CDH12: variants seen among roughly 807,000 people sequenced by gnomAD.
The protein encoded by CDH12 is cadherin 12.
CDH12 carries 41 observed loss-of-function variants against 74.1 expected under a neutral mutation model. The observed-to-expected ratio is 0.55, with a 90% CI of 0.43 to 0.72. The LOEUF is 0.72. Among genes scored for constraint, CDH12 ranks in the 30% least tolerant of loss-of-function variants. The pLI, the probability that CDH12 is intolerant of heterozygous loss-of-function variation, is 0.00. For synonymous variants in CDH12, 399 were observed against 355.0 expected (o/e 1.12, Z -1.39); for missense variants, 945 against 977.2 (o/e 0.97, Z 0.44).
intron 1 of CDH12, among the ~76,000 whole-genome samples, chr5:22,798,464 T>C (rs980712257): frequency 5.3e-5 from 8 of 152,160 alleles, no homozygotes; most frequent in Middle Eastern, 6.8e-3. Flanking sequence ...TTCATTATTG[T>C]TATCCTAAAA....
intron 3 of CDH12, among the ~76,000 whole-genome samples, chr5:22,313,870 A>T (rs1310922189): frequency 6.6e-6 from 1 of 152,184 alleles, no homozygotes; most frequent in Non-Finnish European, 1.5e-5. Flanking sequence ...GGTACAATGC[A>T]CACCACTCCA....
intron 1 of CDH12, among the ~76,000 whole-genome samples, chr5:22,798,099 T>C (rs923280292): frequency 7.2e-5 from 11 of 152,172 alleles, no homozygotes; most frequent in Admixed American, 3.9e-4. Context: ...TTAACACTTA[T>C]ATATTATTCT....
intron 2 of CDH12, among the ~76,000 whole-genome samples, chr5:22,494,765 A>G (rs1747033362): frequency 6.6e-6 from 1 of 152,200 alleles, no homozygotes; most frequent in South Asian, 2.1e-4. Context: ...CATCCCATGA[A>G]GAGCCTGTGA....
At chr5:22,240,384 C>G (rs1171365607) in intron 3 of CDH12, among the ~76,000 whole-genome samples, 1 of 152,088 alleles carries the variant, frequency 6.6e-6, no homozygotes, top group African/African-American at 2.4e-5. Flanking sequence ...TACTAAAGGT[C>G]ACCAGGCATG....
intron 2 of CDH12, among the ~76,000 whole-genome samples, chr5:22,417,214 T>G (rs1411966312): frequency 1.3e-5 from 2 of 152,232 alleles, no homozygotes; most frequent in Non-Finnish European, 2.9e-5. Context: ...TAGCATTGTT[T>G]TACATTTTCA....
At chr5:22,254,495 T>G (rs1753247640) in intron 3 of CDH12, among the ~76,000 whole-genome samples, 1 of 151,736 alleles carries the variant, frequency 6.6e-6, no homozygotes, top group Non-Finnish European at 1.5e-5. Flanking sequence ...TTATTTCTTT[T>G]GTACCTTATT....
chr5:22,627,666 C>A (rs567624280), intron 1 of CDH12, among the ~76,000 whole-genome samples: 1 of 152,064 alleles, frequency 6.6e-6, no homozygotes, highest in Non-Finnish European at 1.5e-5. Flanking sequence ...CACAATAAAG[C>A]AACTACACCA....
At chr5:22,082,546 C>A (rs1742814373) in intron 4 of CDH12, among the ~76,000 whole-genome samples, 1 of 152,124 alleles carries the variant, frequency 6.6e-6, no homozygotes, top group African/African-American at 2.4e-5. Context: ...CTAAATGGTG[C>A]ACAGTTCAAA....
intron 1 of CDH12, among the ~76,000 whole-genome samples, chr5:22,851,123 C>T (rs150294175): frequency 6.6e-6 from 1 of 152,156 alleles, no homozygotes; most frequent in African/African-American, 2.4e-5. Context: ...TCCCCATAAA[C>T]TAAACACTGT....
intron 5 of CDH12, among the ~76,000 whole-genome samples, chr5:22,031,821 C>A (rs1434044496): frequency 2.0e-5 from 3 of 152,052 alleles, no homozygotes; most frequent in Admixed American, 1.3e-4. Flanking sequence ...AGCCCCAAAA[C>A]AATTCCAACA....
intron 1 of CDH12, among the ~76,000 whole-genome samples, chr5:22,620,688 C>T (rs962268355): frequency 1.3e-5 from 2 of 152,070 alleles, no homozygotes; most frequent in Non-Finnish European, 2.9e-5. Context: ...AAATGCTAGG[C>T]TGCCTGTGTC....
At chr5:22,095,530 G>A (rs1580241522) in intron 4 of CDH12, among the ~76,000 whole-genome samples, 1 of 151,930 alleles carries the variant, frequency 6.6e-6, no homozygotes, top group Admixed American at 6.6e-5. Flanking sequence ...CTGCTTTTCT[G>A]GGAGGCAAGA....
At chr5:22,150,636 A>T (rs1747508009) in intron 4 of CDH12, among the ~76,000 whole-genome samples, 1 of 152,132 alleles carries the variant, frequency 6.6e-6, no homozygotes, top group South Asian at 2.1e-4. Context: ...AGAACAGAAA[A>T]ACTGAGATTG....
intron 5 of CDH12, among the ~76,000 whole-genome samples, chr5:22,048,873 A>G (rs2150191766): frequency 1.3e-5 from 2 of 152,292 alleles, no homozygotes; most frequent in Middle Eastern, 6.8e-3. Context: ...AAAGACAATG[A>G]TAACTCAGCA....
chr5:21,773,126 G>A (rs775568497), intron 11 of CDH12, among the ~76,000 whole-genome samples: 1 of 151,966 alleles, frequency 6.6e-6, no homozygotes, highest in Non-Finnish European at 1.5e-5. Flanking sequence ...TATTATTTCC[G>A]ATGTATATGA....
At chr5:21,877,975 A>G (rs1752028880) in intron 6 of CDH12, among the ~76,000 whole-genome samples, 1 of 152,258 alleles carries the variant, frequency 6.6e-6, no homozygotes, top group African/African-American at 2.4e-5. Flanking sequence ...TGAACTTGAT[A>G]CTGATTATTT....
intron 1 of CDH12, among the ~76,000 whole-genome samples, chr5:22,656,986 G>A (rs145485638): frequency 1.3e-5 from 2 of 152,168 alleles, no homozygotes; most frequent in East Asian, 3.9e-4. Flanking sequence ...ATAGGCACGA[G>A]ATTCTTCCAC....
intron 1 of CDH12, among the ~76,000 whole-genome samples, chr5:22,727,795 CT>C (rs1561606718): frequency 1.3e-5 from 2 of 151,106 alleles, no homozygotes; most frequent in South Asian, 4.2e-4. Context: ...TCTATTGTTT[CT>C]TTTTTTGAAG....
Position 22,753,910 on chromosome 5 carries a change from C to T in CDH12, c.-523+99148G>A, listed in dbSNP as rs148386899. Among the ~76,000 whole-genome samples the T allele has an allele frequency of 1.8e-4, 27 of 152,172 alleles. No individual in the cohort carries two copies. In the East Asian group the frequency reaches 4.3e-3, roughly 24 times the overall value. On this transcript the variant is annotated intron_variant, in intron 1 of 14. Transcript: ENST00000382254. ...AATCCCTATTATCTAACTTCTGTTG[C>T]AATTATTATGCCTATTCCTTCATTT...
Sources: allele counts gnomAD v4.1 joint callset (sites outside exome capture counted in the v4.1 genomes callset), GRCh38; gene constraint gnomAD v4.1.1; transcripts MANE v1.5; gene names NCBI Gene and HGNC (gene_info 2026-07-23, HGNC 2026-07-21).